Variants in YJU2B observed in about 807,000 individuals in gnomAD.
YJU2B encodes the protein probable splicing factor YJU2B.
Under a neutral mutation model 38.0 loss-of-function variants are expected in YJU2B, and 18 were observed. The ratio of observed to expected loss-of-function variants is 0.47; its 90% CI spans 0.33 to 0.70. The LOEUF (loss-of-function observed/expected upper bound fraction) is 0.70. Among genes scored for constraint, YJU2B ranks in the 30% least tolerant of loss-of-function variants. The pLI is 0.02. For synonymous variants in YJU2B, 246 were observed against 225.4 expected (o/e 1.09, Z -0.82); for missense variants, 538 against 556.3 (o/e 0.97, Z 0.33).
chr19:13,749,628 C>T (rs200910133), intron 1 of YJU2B, among the ~76,000 whole-genome samples: 25 of 131,988 alleles, frequency 1.9e-4, no homozygotes, highest in Non-Finnish European at 3.2e-4. Context: ...ACTAGAACTT[C>T]TTTCTTTTTT....
upstream of YJU2B, among the ~76,000 whole-genome samples, chr19:13,744,608 G>A (rs1339840165): frequency 6.6e-6 from 1 of 152,058 alleles, no homozygotes; most frequent in East Asian, 1.9e-4. Context: ...CATGCTTGGG[G>A]TCTCGTAAAA....
chr19:13,736,155 A>G lies in YJU2B; in HGVS notation c.-202+3870A>G, dbSNP rs568631513. Among the ~76,000 whole-genome samples, 169 of 152,196 alleles carry G rather than the reference A, an allele frequency of 1.1e-3. 1 individual carries two copies. The highest frequency in any genetic ancestry group is 2.1e-3 in the Non-Finnish European group (143 of 68,012). ...TCCAAGTAAATTATAGGATATACCA[A>G]TATCATTAGTTCTTCTGACCTGGCT... On this transcript the variant is annotated intron_variant, in intron 2 of 10. Transcript: ENST00000586600.
At chr19:13,737,800 AAATTT>A (rs1471120204) in intron 2 of YJU2B, among the ~76,000 whole-genome samples, 1 of 151,750 alleles carries the variant, frequency 6.6e-6, no homozygotes, top group Non-Finnish European at 1.5e-5. Context: ...ATAAATAAAT[AAATTT>A]AAGTTAGCCA....
At chr19:13,752,607 G>C (rs1973511965) in intron 2 of YJU2B, among the ~76,000 whole-genome samples, 2 of 152,196 alleles carry the variant, frequency 1.3e-5, no homozygotes, top group Admixed American at 1.3e-4. Context: ...AGCCAGGCGT[G>C]TTGGCGGGAG....
intron 1 of YJU2B, among the ~76,000 whole-genome samples, chr19:13,749,718 C>T (rs372013754): frequency 6.6e-5 from 10 of 151,214 alleles, no homozygotes; most frequent in Admixed American, 3.3e-4. Flanking sequence ...CTGCAAGCTC[C>T]GCCTCCCGGG....
At chr19:13,754,901 A>G (rs1017061834) in intron 3 of YJU2B, among the ~76,000 whole-genome samples, 5 of 152,100 alleles carry the variant, frequency 3.3e-5, no homozygotes, top group African/African-American at 1.2e-4. Context: ...CTGTGTCCCC[A>G]CACAGTAGGT....
chr19:13,762,614 A>C lies in YJU2B; in HGVS notation c.737A>C (p.Lys246Thr). The C allele has an allele frequency of 6.5e-7, 1 of 1,528,152 alleles. No homozygotes were observed. 94.7% of individuals were successfully genotyped at this position (1,528,152 alleles called of 1,614,324 possible). A position where few individuals can be genotyped will look rare whatever the true frequency, so the allele number is the denominator to read the frequency against. The stretch of plus-strand genomic sequence containing the variant: ...GCCTACGAGGACAAGCAGAAACTCA[A>C]GCGGACCGAGATCATCAGCCGCTCC... ...LDSYEDKQKL[K>T]RTEIISRSWF... The change falls in exon 10 of 10, where the codon AAG (lysine) becomes ACG (threonine). Residue 246 changes from lysine (K) to threonine (T), a missense_variant. This residue lies in a region of YJU2B where 488 missense variants were observed against 469.5 expected (regional missense o/e 1.04). Coordinates refer to ENST00000221554, the MANE Select transcript of YJU2B (RefSeq NM_030818.4).
At chr19:13,740,825 G>A (rs1007197935) in intron 2 of YJU2B, among the ~76,000 whole-genome samples, 7 of 151,902 alleles carry the variant, frequency 4.6e-5, no homozygotes, top group African/African-American at 1.7e-4. Context: ...GTGAGCCACC[G>A]TGCCCGGCCT....
At chr19:13,738,338 G>C (rs1973007137) in intron 2 of YJU2B, among the ~76,000 whole-genome samples, 1 of 152,148 alleles carries the variant, frequency 6.6e-6, no homozygotes, top group South Asian at 2.1e-4. Context: ...TGTCATCATA[G>C]ATTGTCACTG....
At chr19:13,742,928 C>T (rs1042609666), upstream of YJU2B, among the ~76,000 whole-genome samples, 1 of 152,230 alleles carries the variant, frequency 6.6e-6, no homozygotes, top group African/African-American at 2.4e-5. Context: ...GCACACCCCC[C>T]ACCTGACTCA....
intron 1 of YJU2B, among the ~76,000 whole-genome samples, chr19:13,750,388 G>A (rs891867990): frequency 3.3e-5 from 5 of 152,072 alleles, no homozygotes; most frequent in African/African-American, 9.6e-5. Flanking sequence ...CATCACACTC[G>A]GCTAATTTTT....
chr19:13,738,809 GA>G (rs1363967987), intron 2 of YJU2B, among the ~76,000 whole-genome samples: 1 of 150,172 alleles, frequency 6.7e-6, no homozygotes, highest in Non-Finnish European at 1.5e-5. Flanking sequence ...AGAATGGTGT[GA>G]ACCCGGGAGG....
At position 13,748,824 on chromosome 19, in the gene YJU2B, G is replaced by A. The variant is rs558003557; in HGVS notation, c.-202+870G>A. Among the ~76,000 whole-genome samples the A allele has an allele frequency of 1.1e-3, 161 of 152,270 alleles. 1 individual carries two copies. The highest frequency in any genetic ancestry group is 3.5e-3 in the African/African-American group (144 of 41,558). On this transcript the variant is annotated intron_variant, in intron 1 of 9. Transcript: ENST00000221554. ...CAAGGGGCACTTAGCTATTTTGTTG[G>A]CAAAAGTATTTTTAGGTTGGAAGGG...
intron 9 of YJU2B, 35 bp downstream of exon 9, chr19:13,762,472 A>C: frequency 6.2e-7 from 1 of 1,605,372 alleles, no homozygotes; most frequent in African/African-American, 1.3e-5. Flanking sequence ...GGGGACAGGG[A>C]GGCTCAGAGT....
At position 13,760,592 on chromosome 19, in the gene YJU2B, TA is replaced by T. The variant is rs1348137967; in HGVS notation, c.573+1321del. On this transcript the variant is annotated intron_variant, in intron 8 of 9. Transcript: ENST00000221554. ...ACCTACCTGGTTGCCTCCTTTTATT[TA>T]TTTATTTTTTTTCTTTTTGTGACTG... Among the ~76,000 whole-genome samples the T allele has an allele frequency of 1.4e-4, 21 of 152,028 alleles. No homozygotes were observed. The East Asian group carries it at 2.7e-3, about 20-fold the overall frequency.
chr19:13,756,330 G>T (rs758965986), intron 4 of YJU2B, 51 bp downstream of exon 4: 62 of 1,479,310 alleles, frequency 4.2e-5, no homozygotes, highest in Non-Finnish European at 5.6e-5. Context: ...CATTCCTTCA[G>T]TCTCAAGGAG....
intron 2 of YJU2B, among the ~76,000 whole-genome samples, chr19:13,753,888 T>A (rs1973566068): frequency 6.6e-6 from 1 of 152,036 alleles, no homozygotes; most frequent in Non-Finnish European, 1.5e-5. Flanking sequence ...TTATGGGAAC[T>A]ACAATTCAAG....
At position 13,762,434 on chromosome 19, in the gene YJU2B, G is replaced by A; in HGVS notation, c.709G>A (p.Asp237Asn). Reference protein sequence around the residue: ...LAALLKFHTLDSYEDKQKLKR... With the variant: ...LAALLKFHTLNSYEDKQKLKR... ...GGCTCTGCTGAAGTTCCACACCCTGGACTGTGCGTAGGAGGCCAGGGGGAA... is the reference window on the plus strand; with the variant it reads ...GGCTCTGCTGAAGTTCCACACCCTGAACTGTGCGTAGGAGGCCAGGGGGAA... The change falls in exon 9 of 10, where the codon GAC (aspartate) becomes AAC (asparagine). Residue 237 changes from aspartate (D) to asparagine (N), a missense_variant. By Grantham distance (23) the Asp-to-Asn change is conservative. Transcript: ENST00000221554. 1 of 1,612,598 alleles carries A rather than the reference G, an allele frequency of 6.2e-7. No homozygotes were observed. Among genetic ancestry groups the A allele is most frequent in the Non-Finnish European group, 8.5e-7 (1 of 1,179,910 alleles).
upstream of YJU2B, among the ~76,000 whole-genome samples, chr19:13,745,435 G>C (rs1382852568): frequency 6.6e-6 from 1 of 151,978 alleles, no homozygotes; most frequent in Non-Finnish European, 1.5e-5. Flanking sequence ...GGCCGAGGTG[G>C]GCAGATCACC....
Sources: allele counts gnomAD v4.1 joint callset (sites outside exome capture counted in the v4.1 genomes callset), GRCh38; gene constraint gnomAD v4.1.1; regional missense constraint gnomAD v4.1.1; transcripts MANE v1.5; gene names NCBI Gene and HGNC (gene_info 2026-07-23, HGNC 2026-07-21).